RBM19: variants seen among roughly 807,000 people sequenced by gnomAD.
RBM19 encodes RNA binding motif protein 19.
Under a neutral mutation model 116.8 loss-of-function variants are expected in RBM19, and 94 were observed. That is an observed-to-expected ratio of 0.80 (90% CI 0.68 to 0.95). RBM19 has a LOEUF of 0.95. Ranked by LOEUF, RBM19 falls within the 40% of genes least tolerant of loss-of-function variation. The pLI is 0.00. For missense variants in RBM19, 1,161 were observed against 1,220.7 expected (o/e 0.95, Z 0.73); for synonymous variants, 475 against 494.1 (o/e 0.96, Z 0.51).
chr12:113,924,226 T>C (rs2135872520), intron 18 of RBM19, among the ~76,000 whole-genome samples: 1 of 152,330 alleles, frequency 6.6e-6, no homozygotes, highest in African/African-American at 2.4e-5. Flanking sequence ...CAGGAAAATC[T>C]GTGTGGTTAA....
intron 21 of RBM19, among the ~76,000 whole-genome samples, chr12:113,884,296 TATAC>T (rs1044557465): frequency 2.2e-4 from 18 of 81,538 alleles, no homozygotes; most frequent in African/African-American, 9.8e-4. Context: ...AAAAAAAAAG[TATAC>T]ACACACACAC....
At chr12:113,856,472 G>C (rs1047530849) in intron 22 of RBM19, among the ~76,000 whole-genome samples, 8 of 152,218 alleles carry the variant, frequency 5.3e-5, no homozygotes, top group Admixed American at 2.6e-4. Context: ...CATGTCCCAA[G>C]GGCTGTGTCA....
intron 11 of RBM19, 130 bp downstream of exon 11, chr12:113,947,204 T>C (rs1871099441): frequency 1.7e-6 from 2 of 1,194,016 alleles, no homozygotes; most frequent in South Asian, 1.9e-5. Flanking sequence ...TGACTTAGCA[T>C]GCCATTGCAC....
Position 113,948,867 on chromosome 12 carries a change from G to A in RBM19, c.1242C>T (p.Thr414=), listed in dbSNP as rs1277368988. 4 of 1,614,048 alleles carry A rather than the reference G, an allele frequency of 2.5e-6. No individual in the cohort carries two copies. Among genetic ancestry groups the A allele is most frequent in the African/African-American group, 1.3e-5 (1 of 74,930 alleles). The change falls in exon 10 of 24, where the codon ACC becomes ACT. Residue 414 remains threonine (T), a synonymous_variant. Transcript: ENST00000261741. The stretch of plus-strand genomic sequence containing the variant: ...AGAAGAGCTTCTCCAGATCCTCCTC[G>A]GTGCTGGTGTAGGGCAGGTTCCGTA... ...LFVRNLPYTS[T]EEDLEKLFSK... is the part of the protein sequence containing the mutation.
chr12:113,956,576 C>CA (rs10592306), intron 6 of RBM19, among the ~76,000 whole-genome samples: 16,334 of 65,872 alleles, frequency 0.25, 2,296 homozygotes, highest in African/African-American at 0.36. Flanking sequence ...AAGACTGTCT[C>CA]AAAAAAAAAA....
intron 11 of RBM19, among the ~76,000 whole-genome samples, chr12:113,946,952 G>C (rs1028486756): frequency 6.6e-6 from 1 of 152,258 alleles, no homozygotes; most frequent in African/African-American, 2.4e-5. Flanking sequence ...ACTGGGAAAA[G>C]AGAAGTTTCT....
At chr12:113,956,935 TG>T (rs1042368514) in intron 6 of RBM19, among the ~76,000 whole-genome samples, 5 of 152,184 alleles carry the variant, frequency 3.3e-5, no homozygotes, top group African/African-American at 1.2e-4. Context: ...TGGTGCCTAG[TG>T]TGTAGCGCAG....
intron 21 of RBM19, among the ~76,000 whole-genome samples, chr12:113,884,120 A>AAAACAAAAC (rs1555235359): frequency 1.4e-5 from 2 of 145,768 alleles, no homozygotes; most frequent in African/African-American, 2.5e-5. Flanking sequence ...ACCAAAAAAA[A>AAAACAAAAC]AAAAAAACAA....
chr12:113,864,263 C>T (rs1464162000), intron 21 of RBM19, among the ~76,000 whole-genome samples: 1 of 152,172 alleles, frequency 6.6e-6, no homozygotes, highest in African/African-American at 2.4e-5. Context: ...GAGGGAGTCA[C>T]CAGCAGGTCA....
chr12:113,863,920 A>T (rs1878610349), intron 21 of RBM19, among the ~76,000 whole-genome samples: 1 of 152,200 alleles, frequency 6.6e-6, no homozygotes, highest in Non-Finnish European at 1.5e-5. Flanking sequence ...ACATCTGTCC[A>T]TTCACTGGGT....
chr12:113,848,819 A>C (rs1877203220), intron 22 of RBM19, among the ~76,000 whole-genome samples: 1 of 152,122 alleles, frequency 6.6e-6, no homozygotes, highest in Non-Finnish European at 1.5e-5. Flanking sequence ...TCATCTCAGG[A>C]GACTGAGGAG....
In RBM19 at chr12:113,919,042, A is replaced by C. The variant is rs147993385; in HGVS notation, c.2386-595T>G. On this transcript the variant is annotated intron_variant, in intron 19 of 23. Coordinates refer to ENST00000261741, the MANE Select transcript of RBM19 (RefSeq NM_016196.4). ...CACGTGCAAAGTGAAATTTCATAGA[A>C]TCTTATATCGCGTGAAAGAGAAACA... 5.2e-3 allele frequency among the ~76,000 whole-genome samples: 787 copies of C among 152,342 alleles called. 4 individuals are homozygous for C. Among genetic ancestry groups the C allele is most frequent in the African/African-American group, 8.2e-3 (339 of 41,580 alleles).
chr12:113,911,393 AAAAC>A (rs769004696), intron 21 of RBM19, among the ~76,000 whole-genome samples: 17 of 152,162 alleles, frequency 1.1e-4, no homozygotes, highest in Non-Finnish European at 1.8e-4. Flanking sequence ...AAACAAAAAC[AAAAC>A]AAACAAACAA....
chr12:113,905,048 C>T (rs1338765862), intron 21 of RBM19, among the ~76,000 whole-genome samples: 1 of 152,218 alleles, frequency 6.6e-6, no homozygotes, highest in Non-Finnish European at 1.5e-5. Context: ...CAAAAACCCC[C>T]TCTTGGGTCT....
intron 21 of RBM19, among the ~76,000 whole-genome samples, chr12:113,877,447 T>C (rs1879752077): frequency 6.6e-6 from 1 of 152,290 alleles, no homozygotes; most frequent in East Asian, 1.9e-4. Flanking sequence ...GGCCTGAGTG[T>C]GGGGCTGCAG....
At chr12:113,962,085 G>A in intron 2 of RBM19, 147 bp downstream of exon 2, 3 of 955,776 alleles carry the variant, frequency 3.1e-6, no homozygotes, top group South Asian at 3.4e-5. Context: ...TGATTTGTAT[G>A]CACATGAAAG....
intron 22 of RBM19, among the ~76,000 whole-genome samples, chr12:113,846,048 G>T (rs1397549731): frequency 6.6e-6 from 1 of 152,182 alleles, no homozygotes; most frequent in Non-Finnish European, 1.5e-5. Context: ...GCTACTTCTC[G>T]TTGCTGTTGT....
rs186128565 is a variant in RBM19, at chr12:113,855,612, A to G, written c.2664+3179T>C. ...GTTTTTGAAGGAAATCTCCTTCCCT[A>G]AGAGCTTCAACAGGGGGAGGATGCA... On this transcript the variant is annotated intron_variant, in intron 22 of 23. Transcript: ENST00000261741. Among the ~76,000 whole-genome samples, 192 of 152,252 alleles carry G rather than the reference A, an allele frequency of 1.3e-3. 1 individual carries two copies. The highest frequency in any genetic ancestry group is 2.0e-3 in the Non-Finnish European group (138 of 68,022).
intron 21 of RBM19, among the ~76,000 whole-genome samples, chr12:113,880,364 G>A (rs1028158182): frequency 6.6e-6 from 1 of 152,114 alleles, no homozygotes; most frequent in Non-Finnish European, 1.5e-5. Context: ...TTCCTCGTGG[G>A]TTCCATGATC....
Sources: allele counts gnomAD v4.1 joint callset (sites outside exome capture counted in the v4.1 genomes callset), GRCh38; gene constraint gnomAD v4.1.1; transcripts MANE v1.5; gene names NCBI Gene and HGNC (gene_info 2026-07-23, HGNC 2026-07-21).